Variants in MAP2K4 observed in about 807,000 individuals in gnomAD.
MAP2K4 encodes the protein mitogen-activated protein kinase kinase 4.
MAP2K4 carries 4 observed loss-of-function variants against 48.5 expected under a neutral mutation model. The ratio of observed to expected loss-of-function variants is 0.08; its 90% CI spans 0.04 to 0.19. The LOEUF (loss-of-function observed/expected upper bound fraction) is 0.19, where lower values mean the gene tolerates loss of function less well. MAP2K4 is among the 10% of genes least tolerant of loss of function. The probability of loss-of-function intolerance (pLI) is 1.00; values close to 1 mark genes in which losing one functional copy is unlikely to be tolerated. For missense variants in MAP2K4, 258 were observed against 493.3 expected (o/e 0.52, Z 4.52); for synonymous variants, 166 against 173.1 (o/e 0.96, Z 0.32).
intron 2 of MAP2K4, among the ~76,000 whole-genome samples, chr17:12,064,957 A>G (rs1354345525): frequency 6.6e-6 from 1 of 152,194 alleles, no homozygotes; most frequent in Non-Finnish European, 1.5e-5. Context: ...CGAGACACAA[A>G]AGAGAACATA....
intron 1 of MAP2K4, among the ~76,000 whole-genome samples, chr17:12,049,519 C>G (rs1028193654): frequency 2.0e-5 from 3 of 152,178 alleles, no homozygotes; most frequent in African/African-American, 7.2e-5. Context: ...AGTTCTGTCT[C>G]ACCTGAGCTT....
At chr17:12,092,115 A>G (rs1022574004) in intron 3 of MAP2K4, among the ~76,000 whole-genome samples, 2 of 152,154 alleles carry the variant, frequency 1.3e-5, no homozygotes, top group Non-Finnish European at 2.9e-5. Context: ...TAAGTATTTT[A>G]TGGTTTCCTG....
rs769619151 is a variant in MAP2K4 at position 12,081,495 on chromosome 17, G to A, written c.358G>A (p.Val120Ile). The A allele has an allele frequency of 6.2e-7, 1 of 1,614,064 alleles. No homozygotes were observed. Residue 120 changes from valine (V) to isoleucine (I), a missense_variant, in exon 3 of 11, where the codon GTC (valine) becomes ATC (isoleucine). This residue lies in a region of MAP2K4 where 132 missense variants were observed against 352.8 expected (regional missense o/e 0.37). Coordinates refer to ENST00000353533, the MANE Select transcript of MAP2K4 (RefSeq NM_003010.4). The surrounding 1 kb of genome is among the most constrained non-coding windows in gnomAD (Gnocchi z 4.2). ...AGCTTATGGTTCTGTCAACAAAATG[G>A]TCCACAAACCAAGTGGGCAAATAAT... The part of the protein sequence containing the change: ...RGAYGSVNKM[V>I]HKPSGQIMAV...
In MAP2K4 at chr17:12,108,010, C is replaced by T. The variant is rs1972178677; in HGVS notation, c.633+101C>T. 4 of 1,069,822 alleles carry T rather than the reference C, an allele frequency of 3.7e-6. No individual in the cohort carries two copies. The East Asian group carries it at 1.1e-4, about 29-fold the overall frequency. 66.3% of individuals were successfully genotyped at this position (1,069,822 alleles called of 1,614,324 possible). A position where few individuals can be genotyped will look rare whatever the true frequency, so the allele number is the denominator to read the frequency against. On this transcript the variant is annotated intron_variant, in intron 5 of 10. Coordinates refer to ENST00000353533, the MANE Select transcript of MAP2K4 (RefSeq NM_003010.4). Reference sequence around the variant, plus strand: ...ATTTGAGTGTCACTCACAGTACCTTCCTGAAAATAATTCATAGTTAATAAC... The same window carrying T: ...ATTTGAGTGTCACTCACAGTACCTTTCTGAAAATAATTCATAGTTAATAAC...
intron 7 of MAP2K4, among the ~76,000 whole-genome samples, chr17:12,123,222 G>GTGA: frequency 6.6e-6 from 1 of 152,308 alleles, no homozygotes; most frequent in East Asian, 1.9e-4. Flanking sequence ...GAGTTCACCA[G>GTGA]TGAGCCCATC....
chr17:12,141,267 T>A lies in MAP2K4; in HGVS notation c.*7T>A. On this transcript the variant is annotated 3_prime_UTR_variant, in exon 11 of 11. Transcript: ENST00000353533. The stretch of plus-strand genomic sequence containing the variant: ...TCCCATGTATGTCGATTGATATCGC[T>A]GCTACATCAGACTCTAGAAAAAAGG... The A allele has an allele frequency of 3.8e-6, 6 of 1,582,178 alleles. No homozygotes were observed. Among genetic ancestry groups the A allele is most frequent in the Non-Finnish European group, 5.2e-6 (6 of 1,150,936 alleles).
At position 12,052,590 on chromosome 17, in the gene MAP2K4, T is replaced by A. The variant is rs565988221; in HGVS notation, c.116-2299T>A. Among the ~76,000 whole-genome samples the A allele has an allele frequency of 2.0e-5, 3 of 152,322 alleles. 1 individual carries two copies. The highest frequency in any genetic ancestry group is 2.0e-4 in the Admixed American group (3 of 15,294). On this transcript the variant is annotated intron_variant, in intron 1 of 10. Transcript: ENST00000353533. Reference sequence around the variant, plus strand: ...GTTTTTCTTTGGATAGTTTTCACAATAGTTCTTTGTTCTGTCCTTGTCTTG... The same window carrying A: ...GTTTTTCTTTGGATAGTTTTCACAAAAGTTCTTTGTTCTGTCCTTGTCTTG...
Position 12,058,251 on chromosome 17 carries a change from G to T in MAP2K4, c.218+3260G>T, listed in dbSNP as rs1322352604. ...TCTTTTTTTTTTTTTTTTTTTAAGT[G>T]GCAGGGTCTCACTATATTGCCCAGG... On this transcript the variant is annotated intron_variant, in intron 2 of 10. Transcript: ENST00000353533. Among the ~76,000 whole-genome samples the T allele has an allele frequency of 2.9e-4, 43 of 148,046 alleles. 1 individual carries two copies. Among genetic ancestry groups the T allele is most frequent in the African/African-American group, 1.0e-3 (41 of 40,192 alleles).
At chr17:12,134,492 G>A (rs28921095) in intron 9 of MAP2K4, among the ~76,000 whole-genome samples, 8 of 152,188 alleles carry the variant, frequency 5.3e-5, no homozygotes, top group Admixed American at 1.3e-4. Context: ...AAGTAACACC[G>A]TTTAGTTAAT....
intron 1 of MAP2K4, among the ~76,000 whole-genome samples, chr17:12,043,473 A>G (rs1364387877): frequency 6.6e-6 from 1 of 151,996 alleles, no homozygotes; most frequent in Non-Finnish European, 1.5e-5. Flanking sequence ...GATTCTCCTC[A>G]CTTAGGATGC....
At chr17:12,029,266 A>G (rs556629562) in intron 1 of MAP2K4, among the ~76,000 whole-genome samples, 4 of 152,190 alleles carry the variant, frequency 2.6e-5, no homozygotes, top group African/African-American at 9.6e-5. Context: ...TATTTCTTTT[A>G]TAGGCTTACT....
chr17:12,088,557 A>AAT (rs1491109204), intron 3 of MAP2K4, among the ~76,000 whole-genome samples: 1,828 of 39,296 alleles, frequency 0.047, 27 homozygotes, highest in Non-Finnish European at 0.13. Context: ...TCTAATATAT[A>AAT]ATATATATTA....
intron 7 of MAP2K4, among the ~76,000 whole-genome samples, chr17:12,114,426 A>C (rs965134398): frequency 6.6e-6 from 1 of 150,952 alleles, no homozygotes; most frequent in Non-Finnish European, 1.5e-5. Flanking sequence ...GTAGACACCT[A>C]ACCTGTGTGG....
intron 2 of MAP2K4, among the ~76,000 whole-genome samples, chr17:12,060,767 C>G (rs1970426269): frequency 6.6e-6 from 1 of 150,510 alleles, no homozygotes; most frequent in South Asian, 2.1e-4. Flanking sequence ...GTGTGTGTGG[C>G]TGGTTTGGTG....
chr17:12,110,438 T>TTGGTA lies in MAP2K4; in HGVS notation c.685+14_685+18dup. The TTGGTA allele has an allele frequency of 6.3e-7, 1 of 1,581,472 alleles. No individual in the cohort carries two copies. Among genetic ancestry groups the TTGGTA allele is most frequent in the Non-Finnish European group, 8.7e-7 (1 of 1,153,588 alleles). On this transcript the variant is annotated intron_variant, in intron 6 of 10. Coordinates refer to ENST00000353533, the MANE Select transcript of MAP2K4 (RefSeq NM_003010.4). ...AATTATTCACAGAGGTGGGTATGGA[T>TTGGTA]TGGTATTTTTTGTAATAGAAATTAA...
intron 1 of MAP2K4, among the ~76,000 whole-genome samples, chr17:12,028,433 A>G (rs1357184159): frequency 6.6e-6 from 1 of 152,232 alleles, no homozygotes; most frequent in Admixed American, 6.5e-5. Context: ...CCATCAGGAA[A>G]TAAATCTTGG....
chr17:12,044,982 A>G (rs1311741645), intron 1 of MAP2K4, among the ~76,000 whole-genome samples: 1 of 152,256 alleles, frequency 6.6e-6, no homozygotes, highest in Non-Finnish European at 1.5e-5. Context: ...GTTGTGTGCC[A>G]GGAAATGGGG....
chr17:12,096,951 T>C lies in MAP2K4; in HGVS notation c.513+1257T>C, dbSNP rs549348438. Reference sequence around the variant, plus strand: ...TTCCTGTCTTTAAATAATGAGAATATTCATTTTTATGACCAGATATACTGA... The same window carrying C: ...TTCCTGTCTTTAAATAATGAGAATACTCATTTTTATGACCAGATATACTGA... On this transcript the variant is annotated intron_variant, in intron 4 of 10. Transcript: ENST00000353533. 4.3e-4 allele frequency among the ~76,000 whole-genome samples: 65 copies of C among 152,342 alleles called. 1 individual carries two copies. Among genetic ancestry groups the C allele is most frequent in the African/African-American group, 1.5e-3 (63 of 41,592 alleles).
At chr17:12,119,058 T>C (rs1972590790) in intron 7 of MAP2K4, among the ~76,000 whole-genome samples, 1 of 152,238 alleles carries the variant, frequency 6.6e-6, no homozygotes, top group South Asian at 2.1e-4. Flanking sequence ...TTTCATTTAT[T>C]GACTAATGAT....
Sources: allele counts gnomAD v4.1 joint callset (sites outside exome capture counted in the v4.1 genomes callset), GRCh38; gene constraint gnomAD v4.1.1; regional missense constraint gnomAD v4.1.1; non-coding constraint Gnocchi (gnomAD v3.1); transcripts MANE v1.5; gene names NCBI Gene and HGNC (gene_info 2026-07-23, HGNC 2026-07-21).